MYO16: variants seen among roughly 807,000 people sequenced by gnomAD.
MYO16 encodes the protein myosin XVI.
Under a neutral mutation model 205.3 loss-of-function variants are expected in MYO16, and 94 were observed. The ratio of observed to expected loss-of-function variants is 0.46; its 90% confidence interval spans 0.39 to 0.54. MYO16 has a LOEUF of 0.54. MYO16 is among the 20% of genes least tolerant of loss of function. MYO16 has a pLI of 0.00. For synonymous variants in MYO16, 988 were observed against 954.0 expected (o/e 1.04, Z -0.66); for missense variants, 2,315 against 2,387.5 (o/e 0.97, Z 0.63).
chr13:108,836,825 C>A (rs1184029567), intron 9 of MYO16, among the ~76,000 whole-genome samples: 1 of 152,198 alleles, frequency 6.6e-6, no homozygotes, highest in African/African-American at 2.4e-5. Flanking sequence ...TACCCAATGC[C>A]TGTACCCCTA....
At chr13:109,098,162 C>A (rs544125763) in intron 27 of MYO16, among the ~76,000 whole-genome samples, 1 of 130,960 alleles carries the variant, frequency 7.6e-6, no homozygotes, top group African/African-American at 2.9e-5. Flanking sequence ...CTTGTTCTCT[C>A]TATGAACTGT....
chr13:109,022,440 ATATT>A (rs1352395862), intron 23 of MYO16, among the ~76,000 whole-genome samples: 6 of 131,846 alleles, frequency 4.6e-5, no homozygotes, highest in African/African-American at 1.4e-4. Context: ...ACATATGTAT[ATATT>A]TATGTTATAT....
chr13:109,067,045 A>T (rs1441469325), intron 27 of MYO16, among the ~76,000 whole-genome samples: 1 of 152,176 alleles, frequency 6.6e-6, no homozygotes, highest in Non-Finnish European at 1.5e-5. Flanking sequence ...TCATACAAGC[A>T]GTTTACTAAA....
intron 32 of MYO16, among the ~76,000 whole-genome samples, chr13:109,160,210 A>G (rs1878310837): frequency 6.6e-6 from 1 of 152,196 alleles, no homozygotes; most frequent in Non-Finnish European, 1.5e-5. Flanking sequence ...ACCTCCTATC[A>G]AGAGCCATGA....
intron 34 of MYO16, among the ~76,000 whole-genome samples, chr13:109,199,243 G>C (rs755994331): frequency 2.2e-5 from 2 of 91,496 alleles, no homozygotes; most frequent in Non-Finnish European, 4.3e-5. Context: ...TATATATACC[G>C]TCATTTTGCC....
intron 27 of MYO16, among the ~76,000 whole-genome samples, chr13:109,083,503 G>A (rs1888345620): frequency 6.6e-6 from 1 of 151,484 alleles, no homozygotes; most frequent in African/African-American, 2.4e-5. Flanking sequence ...GTGTACTGAG[G>A]GTGCTGGGTA....
At chr13:108,710,490 ATAT>A (rs1205244373) in intron 2 of MYO16, among the ~76,000 whole-genome samples, 4 of 152,214 alleles carry the variant, frequency 2.6e-5, no homozygotes, top group Non-Finnish European at 4.4e-5. Context: ...ATTCTATGAT[ATAT>A]TATTATGGGG....
At position 108,898,097 on chromosome 13, in the gene MYO16, C is replaced by T; in HGVS notation, c.1741C>T (p.Leu581=). The T allele has an allele frequency of 1.2e-6, 2 of 1,613,734 alleles. No individual in the cohort carries two copies. Among genetic ancestry groups the T allele is most frequent in the Non-Finnish European group, 1.7e-6 (2 of 1,179,636 alleles). ...LSSCFIKYFE[L]QFCERKQQLT... is the part of the protein sequence containing the mutation. ...CAGTTGCTTCATCAAGTATTTTGAA[C>T]TGCAGTTCTGTGAGAGGAAACAACA... Residue 581 remains leucine, a synonymous_variant, in exon 15 of 35, where the codon CTG becomes TTG. Transcript: ENST00000457511.
intron 34 of MYO16, among the ~76,000 whole-genome samples, chr13:109,189,924 G>T (rs974516662): frequency 1.3e-5 from 2 of 149,276 alleles, no homozygotes; most frequent in Admixed American, 1.3e-4. Flanking sequence ...TTTTGTTGTT[G>T]TTTTTTTTTC....
chr13:108,543,555 T>G, the MYO16 span, among the ~76,000 whole-genome samples: 1 of 142,114 alleles, frequency 7.0e-6, no homozygotes, highest in Non-Finnish European at 1.5e-5. Context: ...GGAAGGAGAA[T>G]GGCGTGAACC....
chr13:108,930,815 A>T lies in MYO16; in HGVS notation c.1925+20665A>T, dbSNP rs577661243. 3.5e-3 allele frequency among the ~76,000 whole-genome samples: 534 copies of T among 152,362 alleles called. 7 individuals are homozygous for T. Among genetic ancestry groups the T allele is most frequent in the African/African-American group, 0.012 (510 of 41,582 alleles). The stretch of plus-strand genomic sequence containing the variant: ...GTCCACCTAGAAAAATCAAATATAA[A>T]TAAACCAATGGGAAAGCATTTGCTC... On this transcript the variant is annotated intron_variant, in intron 16 of 34. Transcript: ENST00000457511.
intron 1 of MYO16, among the ~76,000 whole-genome samples, chr13:108,599,240 A>G (rs929381076): frequency 6.7e-6 from 1 of 149,992 alleles, no homozygotes; most frequent in South Asian, 2.1e-4. Context: ...CCAGTCTATC[A>G]TTGTTGGACA....
intron 31 of MYO16, among the ~76,000 whole-genome samples, chr13:109,135,303 A>G (rs1445917960): frequency 1.3e-5 from 2 of 152,210 alleles, no homozygotes; most frequent in African/African-American, 2.4e-5. Flanking sequence ...AGCTGGATGC[A>G]TGTTGCTTAT....
intron 20 of MYO16, among the ~76,000 whole-genome samples, chr13:108,972,070 T>G: frequency 6.7e-6 from 1 of 148,312 alleles, no homozygotes; most frequent in Non-Finnish European, 1.5e-5. Context: ...TAGCCAGGTG[T>G]GATGGTACAT....
rs1209374860 is a variant in MYO16, at chr13:108,961,668, A to G, written c.2155+12A>G. 4.4e-6 allele frequency: 7 copies of G among 1,577,808 alleles called. No individual in the cohort carries two copies. Among genetic ancestry groups the G allele is most frequent in the Non-Finnish European group, 6.1e-6 (7 of 1,146,784 alleles). On this transcript the variant is annotated intron_variant, in intron 18 of 34. Coordinates refer to ENST00000457511, the MANE Select transcript of MYO16 (RefSeq NM_001198950.3). ...GCTCCTGGAACAAGGTCAGTGGAACATGACCTTCTGACATTAACCACATTG... is the reference window on the plus strand; with the variant it reads ...GCTCCTGGAACAAGGTCAGTGGAACGTGACCTTCTGACATTAACCACATTG...
At chr13:108,563,442 T>C in the MYO16 span, among the ~76,000 whole-genome samples, 7 of 152,278 alleles carry the variant, frequency 4.6e-5, no homozygotes, top group African/African-American at 1.7e-4. Context: ...TTCTAACTAA[T>C]TTTTTGTACC....
chr13:108,931,628 A>C (rs1172424046), intron 16 of MYO16, among the ~76,000 whole-genome samples: 4 of 152,176 alleles, frequency 2.6e-5, no homozygotes, highest in Non-Finnish European at 5.9e-5. Context: ...AAATTATAAG[A>C]TTTGGGACCC....
chr13:108,719,387 C>T (rs1008555930), intron 3 of MYO16, among the ~76,000 whole-genome samples: 1 of 152,164 alleles, frequency 6.6e-6, no homozygotes, highest in South Asian at 2.1e-4. Context: ...ATGTACCAAA[C>T]TGCTTATAAT....
chr13:109,009,088 T>C, intron 22 of MYO16, 39 bp downstream of exon 22: 1 of 1,463,462 alleles, frequency 6.8e-7, no homozygotes, highest in African/African-American at 1.4e-5. Flanking sequence ...ACAGGATATA[T>C]GGGTTTAAAT....
Sources: gnomAD v4.1 joint callset for allele counts (sites outside exome capture counted in the v4.1 genomes callset) on GRCh38, gnomAD v4.1.1 for gene constraint, MANE v1.5 for transcripts, NCBI Gene and HGNC (gene_info 2026-07-23, HGNC 2026-07-21) for gene names.